Variants in PMEPA1 observed in about 807,000 individuals in gnomAD.
The protein encoded by PMEPA1 is protein TMEPAI.
A neutral mutation model predicts 23.0 loss-of-function variants in PMEPA1; 11 were observed. The observed-to-expected ratio is 0.48, with a 90% CI of 0.30 to 0.79. The LOEUF is 0.79. Ranked by LOEUF, PMEPA1 falls within the 30% of genes least tolerant of loss-of-function variation. The pLI is 0.06. For missense variants in PMEPA1, 377 were observed against 390.9 expected, an observed-to-expected ratio of 0.96 and a Z score of 0.30; for synonymous variants, 204 against 166.4, an observed-to-expected ratio of 1.23 and a Z score of -1.74.
intron 1 of PMEPA1, among the ~76,000 whole-genome samples, chr20:57,693,097 C>T (rs942173926): frequency 6.6e-6 from 1 of 152,242 alleles, no homozygotes; most frequent in African/African-American, 2.4e-5. Context: ...GTGGCCGCCT[C>T]GCTCTGCGTT....
chr20:57,660,441 G>A (rs148923550), intron 1 of PMEPA1, among the ~76,000 whole-genome samples: 245 of 139,430 alleles, frequency 1.8e-3, no homozygotes, highest in African/African-American at 6.6e-3. Flanking sequence ...ACCCCAACAC[G>A]TACCCCTAAC....
chr20:57,666,864 T>C (rs1276933632), intron 1 of PMEPA1, among the ~76,000 whole-genome samples: 1 of 151,972 alleles, frequency 6.6e-6, no homozygotes, highest in African/African-American at 2.4e-5. Context: ...TGTCTCTGAG[T>C]TTTTCATGAC....
intron 1 of PMEPA1, chr20:57,690,585 T>C: frequency 8.0e-7 from 1 of 1,246,094 alleles, no homozygotes; most frequent in Non-Finnish European, 1.0e-6. Flanking sequence ...ATGGCGGGTG[T>C]AGAGGGTCAT....
intron 1 of PMEPA1, among the ~76,000 whole-genome samples, chr20:57,694,103 T>C (rs2071916503): frequency 6.6e-6 from 1 of 152,194 alleles, no homozygotes; most frequent in Admixed American, 6.5e-5. Flanking sequence ...GTGACCTTGA[T>C]CTCATTAGAA....
chr20:57,671,224 T>A (rs1278500515), intron 1 of PMEPA1, among the ~76,000 whole-genome samples: 1 of 152,216 alleles, frequency 6.6e-6, no homozygotes, highest in Non-Finnish European at 1.5e-5. Flanking sequence ...TTTGAATTAT[T>A]GGCAGAACGG....
intron 1 of PMEPA1, among the ~76,000 whole-genome samples, chr20:57,680,630 T>G (rs535137631): frequency 6.6e-6 from 1 of 152,302 alleles, no homozygotes; most frequent in East Asian, 1.9e-4. Flanking sequence ...TGATTCCTAA[T>G]TAGGCCTCAA....
At chr20:57,663,237 C>T (rs2071447625) in intron 1 of PMEPA1, among the ~76,000 whole-genome samples, 1 of 152,174 alleles carries the variant, frequency 6.6e-6, no homozygotes, top group East Asian at 1.9e-4. Flanking sequence ...AGCCAAGGGC[C>T]TGGGTCCAGG....
chr20:57,648,689 G>C lies in PMEPA1; in HGVS notation c.*3364C>G, dbSNP rs1182858435. The C allele has an allele frequency of 6.6e-6, 1 of 152,304 alleles. No individual in the cohort carries two copies. The highest frequency in any genetic ancestry group is 1.5e-5 in the Non-Finnish European group (1 of 68,084). 9.4% of individuals were successfully genotyped at this position (152,304 alleles called of 1,614,324 possible). On this transcript the variant is annotated 3_prime_UTR_variant, in exon 4 of 4. Transcript: ENST00000341744. ...AGCACAACAGCCATGGAATCAGGCA[G>C]GCAGGGGAGGACGGGCTGTGTCCTT...
intron 1 of PMEPA1, among the ~76,000 whole-genome samples, chr20:57,706,654 C>A (rs1039107541): frequency 2.6e-5 from 4 of 152,186 alleles, no homozygotes; most frequent in African/African-American, 7.2e-5. Flanking sequence ...TTTCCCCCAG[C>A]CCCCAATTTC....
intron 1 of PMEPA1, among the ~76,000 whole-genome samples, chr20:57,698,539 A>G (rs1474499146): frequency 6.6e-6 from 1 of 152,250 alleles, no homozygotes; most frequent in Non-Finnish European, 1.5e-5. Flanking sequence ...AGAAAAGAAC[A>G]AAGAAATTAC....
intron 1 of PMEPA1, among the ~76,000 whole-genome samples, chr20:57,672,706 G>A (rs2071586106): frequency 6.6e-6 from 1 of 152,204 alleles, no homozygotes; most frequent in Non-Finnish European, 1.5e-5. Context: ...AGAGGCTGGA[G>A]GAAGCAGTGA....
intron 1 of PMEPA1, among the ~76,000 whole-genome samples, chr20:57,667,624 G>GGGC (rs2146660142): frequency 6.6e-6 from 1 of 152,338 alleles, no homozygotes. Context: ...AGCAGCCAGT[G>GGGC]CATGGGGCCC....
rs2071347559 is a variant in PMEPA1, at chr20:57,657,708, G to T, written c.264+1835C>A. Among the ~76,000 whole-genome samples the T allele has an allele frequency of 2.0e-5, 3 of 152,216 alleles. No homozygotes were observed. In the South Asian group the frequency reaches 6.2e-4, roughly 31 times the overall value. On this transcript the variant is annotated intron_variant, in intron 2 of 3. Coordinates refer to ENST00000341744, the MANE Select transcript of PMEPA1 (RefSeq NM_020182.5). ...GAGGCTGGGGCCTGATGCAAGCAGA[G>T]GTGTCCAGACCTGCCAGGGACAGGC...
chr20:57,659,719 C>A (rs746470444), intron 1 of PMEPA1, 22 bp from the exon 2 acceptor site: 1 of 1,555,690 alleles, frequency 6.4e-7, no homozygotes, highest in Non-Finnish European at 8.7e-7. Context: ...AAGAGGGACA[C>A]GTGAGACCCT....
intron 1 of PMEPA1, among the ~76,000 whole-genome samples, chr20:57,688,193 TTCC>T (rs1162963460): frequency 6.6e-6 from 1 of 152,226 alleles, no homozygotes; most frequent in Non-Finnish European, 1.5e-5. Flanking sequence ...TTTCTCCGTT[TTCC>T]TCCTCAGGTC....
At position 57,649,716 on chromosome 20, in the gene PMEPA1, C is replaced by T. The variant is rs1215373362; in HGVS notation, c.*2337G>A. ...GGTTGGAGGAGCAGGAGTAACCTCACCAAGCTAGGCACCTCCCTGGTAGAG... is the reference window on the plus strand; with the variant it reads ...GGTTGGAGGAGCAGGAGTAACCTCATCAAGCTAGGCACCTCCCTGGTAGAG... On this transcript the variant is annotated 3_prime_UTR_variant, in exon 4 of 4. Coordinates refer to ENST00000341744, the MANE Select transcript of PMEPA1 (RefSeq NM_020182.5). 1 of 152,484 alleles carries T rather than the reference C, an allele frequency of 6.6e-6. No individual in the cohort carries two copies. The highest frequency in any genetic ancestry group is 1.5e-5 in the Non-Finnish European group (1 of 68,040). 9.4% of individuals were successfully genotyped at this position (152,484 alleles called of 1,614,324 possible).
chr20:57,710,370 G>T (rs2072160328), upstream of PMEPA1: 4 of 1,375,510 alleles, frequency 2.9e-6, no homozygotes, highest in Non-Finnish European at 4.0e-6. Flanking sequence ...GGCTCTTGGG[G>T]CTAGCCTATC....
rs530891702 is a variant in PMEPA1, at chr20:57,656,855, G to A, written c.264+2688C>T. Among the ~76,000 whole-genome samples the A allele has an allele frequency of 6.6e-6, 1 of 152,340 alleles. No individual in the cohort carries two copies. Among genetic ancestry groups the A allele is most frequent in the South Asian group, 2.1e-4 (1 of 4,832 alleles). On this transcript the variant is annotated intron_variant, in intron 2 of 3. Transcript: ENST00000341744. The surrounding 1 kb of genome is among the most constrained non-coding windows in gnomAD (Gnocchi z 4.7). ...CAGAGCATGGATGGGCTGGGGGGATGTAGACTGGGCCCGGGACAGATAAGA... is the reference window on the plus strand; with the variant it reads ...CAGAGCATGGATGGGCTGGGGGGATATAGACTGGGCCCGGGACAGATAAGA...
In PMEPA1 at chr20:57,652,281, C is replaced by T; in HGVS notation, c.636G>A (p.Ser212=). Residue 212 remains serine, a synonymous_variant, in exon 4 of 4, where the codon TCG becomes TCA. Coordinates refer to ENST00000341744, the MANE Select transcript of PMEPA1 (RefSeq NM_020182.5). This position sits in a 1 kb window ranked among gnomAD's most constrained non-coding sequence, Gnocchi z 6.1. ...TGCCGTAGCACGTGGCGCTGATGCCCGAGTTACTGCTGGGGGGGCAGGGGC... is the reference window on the plus strand; with the variant it reads ...TGCCGTAGCACGTGGCGCTGATGCCTGAGTTACTGCTGGGGGGGCAGGGGC... ...LGGPCPPSSN[S]GISATCYGSG... 1.2e-6 allele frequency: 2 copies of T among 1,609,306 alleles called. No individual in the cohort carries two copies. Among genetic ancestry groups the T allele is most frequent in the Non-Finnish European group, 1.7e-6 (2 of 1,179,570 alleles).
Sources: allele counts gnomAD v4.1 joint callset (sites outside exome capture counted in the v4.1 genomes callset), GRCh38; gene constraint gnomAD v4.1.1; non-coding constraint Gnocchi (gnomAD v3.1); transcripts MANE v1.5; gene names NCBI Gene and HGNC (gene_info 2026-07-23, HGNC 2026-07-21).